Variants in ERBB4 observed in about 807,000 individuals in gnomAD.
ERBB4 encodes receptor tyrosine-protein kinase erbB-4.
ERBB4 carries 42 observed loss-of-function variants against 158.0 expected under a neutral mutation model. The ratio of observed to expected loss-of-function variants is 0.27; its 90% confidence interval spans 0.21 to 0.34. ERBB4 has a LOEUF of 0.34. Among genes scored for constraint, ERBB4 ranks in the 10% least tolerant of loss-of-function variants. The pLI, the probability that ERBB4 is intolerant of heterozygous loss-of-function variation, is 1.00. For synonymous variants in ERBB4, 583 were observed against 558.7 expected, an observed-to-expected ratio of 1.04 and a Z score of -0.61; for missense variants, 1,333 against 1,624.1, an observed-to-expected ratio of 0.82 and a Z score of 3.08.
At chr2:212,288,702 T>G (rs1276845988) in intron 1 of ERBB4, among the ~76,000 whole-genome samples, 1 of 152,088 alleles carries the variant, frequency 6.6e-6, no homozygotes, top group Admixed American at 6.6e-5. Context: ...CATGGTTGTG[T>G]GACGAGAACC....
chr2:211,558,396 C>T (rs1297797745), intron 20 of ERBB4, among the ~76,000 whole-genome samples: 1 of 152,126 alleles, frequency 6.6e-6, no homozygotes, highest in Admixed American at 6.5e-5. Flanking sequence ...CTTACAAAGA[C>T]CCCTGTGACT....
chr2:211,542,179 G>C (rs937710452), intron 20 of ERBB4, among the ~76,000 whole-genome samples: 8 of 151,962 alleles, frequency 5.3e-5, no homozygotes, highest in African/African-American at 1.9e-4. Context: ...CATATAATTG[G>C]TGAGTGCCTT....
intron 1 of ERBB4, among the ~76,000 whole-genome samples, chr2:212,278,089 ACTAGG>A (rs1205601907): frequency 7.2e-5 from 11 of 151,878 alleles, no homozygotes; most frequent in African/African-American, 2.6e-4. Context: ...GTTAAATAGA[ACTAGG>A]CTTTTTAGGA....
intron 20 of ERBB4, among the ~76,000 whole-genome samples, chr2:211,461,977 T>C (rs896203722): frequency 6.6e-6 from 1 of 152,080 alleles, no homozygotes; most frequent in Non-Finnish European, 1.5e-5. Context: ...TGCCATTTTA[T>C]GGCAATTAAA....
chr2:211,697,575 A>G (rs1175118068), intron 12 of ERBB4, among the ~76,000 whole-genome samples: 1 of 152,216 alleles, frequency 6.6e-6, no homozygotes, highest in Non-Finnish European at 1.5e-5. Flanking sequence ...TTTCAAATTT[A>G]GGAGAAAAAG....
intron 1 of ERBB4, among the ~76,000 whole-genome samples, chr2:212,127,495 G>A (rs2079974002): frequency 6.6e-6 from 1 of 152,142 alleles, no homozygotes. Context: ...GGGAGGCTGA[G>A]GCAGGAGAAT....
intron 1 of ERBB4, among the ~76,000 whole-genome samples, chr2:212,445,299 A>T (rs758454975): frequency 6.6e-6 from 1 of 152,160 alleles, no homozygotes; most frequent in Non-Finnish European, 1.5e-5. Context: ...TCCAGGAATC[A>T]AGGGGTAGAA....
At chr2:211,451,007 T>C (rs2064232984) in intron 20 of ERBB4, among the ~76,000 whole-genome samples, 1 of 152,188 alleles carries the variant, frequency 6.6e-6, no homozygotes, top group Non-Finnish European at 1.5e-5. Context: ...ATGAAGGCTG[T>C]CAGAATATGT....
chr2:212,193,191 C>G (rs950743584), intron 1 of ERBB4, among the ~76,000 whole-genome samples: 1 of 152,116 alleles, frequency 6.6e-6, no homozygotes, highest in Non-Finnish European at 1.5e-5. Flanking sequence ...CTCCAGGGTG[C>G]TTTTACTCCT....
At chr2:212,190,135 GA>G (rs150809639) in intron 1 of ERBB4, among the ~76,000 whole-genome samples, 26,260 of 152,126 alleles carry the variant, frequency 0.17, 2,758 homozygotes, top group Non-Finnish European at 0.23. Context: ...TACTGAACTA[GA>G]AAAATTTTCA....
Position 212,191,909 on chromosome 2 carries a change from CAT to C in ERBB4, c.83-67008_83-67007del, listed in dbSNP as rs1349321479. Among the ~76,000 whole-genome samples, 611 of 113,660 alleles carry C rather than the reference CAT, an allele frequency of 5.4e-3. 2 individuals are homozygous for C. The highest frequency in any genetic ancestry group is 0.017 in the African/African-American group (544 of 31,184). The allele number at this position is 113,660 out of a possible 152,430, so 74.6% of individuals were successfully genotyped here. A position where few individuals can be genotyped will look rare whatever the true frequency, so the allele number is the denominator to read the frequency against. ...TACATGTTATATATTATATATGATA[CAT>C]ATGTTATATATGTTATATATTATAT... On this transcript the variant is annotated intron_variant, in intron 1 of 27. Transcript: ENST00000342788.
In ERBB4 at chr2:211,872,549, AT is replaced by A. The variant is rs527280809; in HGVS notation, c.421+74880del. Among the ~76,000 whole-genome samples the A allele has an allele frequency of 2.0e-3, 303 of 152,124 alleles. 1 individual carries two copies. Among genetic ancestry groups the A allele is most frequent in the African/African-American group, 6.8e-3 (281 of 41,512 alleles). ...AGATTTCCAAATTATCACAAAATTT[AT>A]TTTTTTTATCTTATTTAGTGAAAAA... On this transcript the variant is annotated intron_variant, in intron 3 of 27. Coordinates refer to ENST00000342788, the MANE Select transcript of ERBB4 (RefSeq NM_005235.3).
At chr2:211,495,616 G>A (rs1255484168) in intron 20 of ERBB4, among the ~76,000 whole-genome samples, 2 of 151,866 alleles carry the variant, frequency 1.3e-5, no homozygotes, top group Non-Finnish European at 2.9e-5. Context: ...TCTAATATAA[G>A]CTAGGAACAA....
chr2:211,800,071 G>A (rs2076466359), intron 3 of ERBB4, among the ~76,000 whole-genome samples: 2 of 152,150 alleles, frequency 1.3e-5, no homozygotes, highest in East Asian at 1.9e-4. Flanking sequence ...CCTTTTTAAG[G>A]GTGGGATTTC....
chr2:212,300,457 C>T (rs776734778), intron 1 of ERBB4, among the ~76,000 whole-genome samples: 7 of 151,528 alleles, frequency 4.6e-5, no homozygotes, highest in Non-Finnish European at 7.4e-5. Context: ...AAATGTGACC[C>T]TAAAATTTTA....
chr2:211,832,906 G>A (rs908491413), intron 3 of ERBB4, among the ~76,000 whole-genome samples: 3 of 150,508 alleles, frequency 2.0e-5, no homozygotes, highest in African/African-American at 7.3e-5. Flanking sequence ...TATGTTTGCA[G>A]GTGATATGTT....
intron 1 of ERBB4, among the ~76,000 whole-genome samples, chr2:212,224,931 A>G (rs2083424007): frequency 6.6e-6 from 1 of 152,086 alleles, no homozygotes; most frequent in Non-Finnish European, 1.5e-5. Flanking sequence ...AAGAATGTGT[A>G]TTATCATGCT....
At chr2:212,035,864 A>G (rs2077000859) in intron 2 of ERBB4, among the ~76,000 whole-genome samples, 1 of 152,154 alleles carries the variant, frequency 6.6e-6, no homozygotes, top group Admixed American at 6.6e-5. Context: ...GGCATATAAT[A>G]AAAAAATTGC....
chr2:212,244,302 A>G (rs974635016), intron 1 of ERBB4, among the ~76,000 whole-genome samples: 1 of 152,138 alleles, frequency 6.6e-6, no homozygotes, highest in African/African-American at 2.4e-5. Flanking sequence ...CAAAGGCAAC[A>G]CGGAGGAAGT....
Sources: allele counts gnomAD v4.1 joint callset (sites outside exome capture counted in the v4.1 genomes callset), GRCh38; gene constraint gnomAD v4.1.1; transcripts MANE v1.5; gene names NCBI Gene and HGNC (gene_info 2026-07-23, HGNC 2026-07-21).